Variants in SYNJ2BP observed in about 807,000 individuals in gnomAD.
The protein encoded by SYNJ2BP is synaptojanin-2-binding protein.
In SYNJ2BP, 10 loss-of-function variants were observed where a neutral mutation model predicts 16.9. The observed-to-expected ratio is 0.59, with a 90% CI of 0.36 to 1.00. The LOEUF is 1.00. SYNJ2BP is among the 50% of genes least tolerant of loss of function. The pLI, the probability that SYNJ2BP is intolerant of heterozygous loss-of-function variation, is 0.01. For missense variants in SYNJ2BP, 162 were observed against 186.7 expected (o/e 0.87, Z 0.77); for synonymous variants, 54 against 68.4 (o/e 0.79, Z 1.04).
intron 2 of SYNJ2BP, among the ~76,000 whole-genome samples, chr14:70,383,296 G>T (rs1026544649): frequency 2.0e-5 from 3 of 152,172 alleles, no homozygotes; most frequent in African/African-American, 7.2e-5. Flanking sequence ...GATTGGATGA[G>T]GGTTTCTGCT....
At chr14:70,411,568 G>A (rs1888473374) in intron 1 of SYNJ2BP, among the ~76,000 whole-genome samples, 1 of 152,162 alleles carries the variant, frequency 6.6e-6, no homozygotes, top group Admixed American at 6.5e-5. Flanking sequence ...CTTTCCTTCT[G>A]TCCAGGCTGG....
chr14:70,395,223 T>C (rs988637867), intron 1 of SYNJ2BP, among the ~76,000 whole-genome samples: 1 of 152,230 alleles, frequency 6.6e-6, no homozygotes, highest in African/African-American at 2.4e-5. Context: ...GGAAAAGCCC[T>C]TCATTTCATT....
At position 70,369,589 on chromosome 14, in the gene SYNJ2BP, GACAAT is replaced by G. The variant is rs1887473961; in HGVS notation, c.*3397_*3401del. On this transcript the variant is annotated 3_prime_UTR_variant, in exon 4 of 4. Coordinates refer to ENST00000256366, the MANE Select transcript of SYNJ2BP (RefSeq NM_018373.3). ...TTTCTCTCATTTTTAGTCTCTTTGT[GACAAT>G]ACTTAGATCCCAGAGTTATGAGACA... 6.6e-6 allele frequency: 1 copy of G among 152,058 alleles called. No individual in the cohort carries two copies. Among genetic ancestry groups the G allele is most frequent in the South Asian group, 2.1e-4 (1 of 4,812 alleles). The allele number at this position is 152,058 out of a possible 1,614,324, so 9.4% of individuals were successfully genotyped here.
chr14:70,384,510 G>A (rs1887818347), intron 2 of SYNJ2BP, among the ~76,000 whole-genome samples: 1 of 152,128 alleles, frequency 6.6e-6, no homozygotes, highest in South Asian at 2.1e-4. Flanking sequence ...GATGGAACAG[G>A]CTGTTTCATA....
intron 1 of SYNJ2BP, among the ~76,000 whole-genome samples, chr14:70,392,865 G>A (rs995619424): frequency 6.6e-6 from 1 of 152,194 alleles, no homozygotes; most frequent in African/African-American, 2.4e-5. Flanking sequence ...TATTCAATAC[G>A]TATCTTGCTA....
chr14:70,383,685 C>T (rs753228158), intron 2 of SYNJ2BP, among the ~76,000 whole-genome samples: 39 of 152,130 alleles, frequency 2.6e-4, no homozygotes, highest in Non-Finnish European at 4.6e-4. Flanking sequence ...AAACTTAGTT[C>T]ACTTTTCTAA....
chr14:70,388,265 A>C (rs942936589), intron 2 of SYNJ2BP, among the ~76,000 whole-genome samples: 1 of 152,204 alleles, frequency 6.6e-6, no homozygotes, highest in Non-Finnish European at 1.5e-5. Context: ...TGGGCTTCAC[A>C]TTCTCATCTA....
At chr14:70,373,194 G>C in intron 3 of SYNJ2BP, 63 bp from the exon 4 acceptor site, 1 of 1,592,870 alleles carries the variant, frequency 6.3e-7, no homozygotes, top group South Asian at 1.1e-5. Flanking sequence ...GAAACGCCCA[G>C]GTTGATACAT....
intron 2 of SYNJ2BP, among the ~76,000 whole-genome samples, chr14:70,387,746 G>A (rs1397583018): frequency 2.6e-5 from 4 of 151,244 alleles, no homozygotes; most frequent in African/African-American, 7.3e-5. Flanking sequence ...CAGGAGAATC[G>A]CTTGAACCCG....
At chr14:70,401,753 C>T (rs1888242701) in intron 1 of SYNJ2BP, among the ~76,000 whole-genome samples, 1 of 152,062 alleles carries the variant, frequency 6.6e-6, no homozygotes, top group Admixed American at 6.5e-5. Context: ...AGTGATTCTC[C>T]CACCTCAGCC....
intron 3 of SYNJ2BP, 36 bp downstream of exon 3, chr14:70,375,640 C>A (rs1475752490): frequency 3.8e-6 from 6 of 1,599,626 alleles, no homozygotes; most frequent in Non-Finnish European, 5.1e-6. Context: ...AGTGCAAAAG[C>A]CTGGTGCCAG....
rs1363566803 is a variant in SYNJ2BP at position 70,370,161 on chromosome 14, T to C, written c.*2830A>G. The C allele has an allele frequency of 6.6e-6, 1 of 152,238 alleles. No homozygotes were observed. The highest frequency in any genetic ancestry group is 1.5e-5 in the Non-Finnish European group (1 of 68,040). 9.4% of individuals were successfully genotyped at this position (152,238 alleles called of 1,614,324 possible). On this transcript the variant is annotated 3_prime_UTR_variant, in exon 4 of 4. Transcript: ENST00000256366. ...AAACTTCTACCAACGACAGAATGGA[T>C]ACTTTTTAAACAAATTTACATATAC...
chr14:70,387,830 CAA>C (rs1224467128), intron 2 of SYNJ2BP, among the ~76,000 whole-genome samples: 26 of 98,206 alleles, frequency 2.6e-4, no homozygotes, highest in South Asian at 3.4e-4. Context: ...GAATCTATCT[CAA>C]AAAAAAAAAA....
chr14:70,376,898 T>C (rs1173771138), intron 2 of SYNJ2BP, among the ~76,000 whole-genome samples: 2 of 152,200 alleles, frequency 1.3e-5, no homozygotes, highest in Non-Finnish European at 2.9e-5. Context: ...ACTCTCTCAT[T>C]TTCCTTGTCG....
At chr14:70,377,908 G>T (rs990244842) in intron 2 of SYNJ2BP, among the ~76,000 whole-genome samples, 1 of 152,132 alleles carries the variant, frequency 6.6e-6, no homozygotes, top group African/African-American at 2.4e-5. Context: ...CTGTTTGCAT[G>T]CACTACCTCT....
chr14:70,408,121 GA>G (rs1888388301), intron 1 of SYNJ2BP, among the ~76,000 whole-genome samples: 1 of 150,904 alleles, frequency 6.6e-6, no homozygotes, highest in Non-Finnish European at 1.5e-5. Context: ...TTTTTTGGAG[GA>G]GGGGGAAGGA....
At chr14:70,375,339 C>T (rs1049751551) in intron 3 of SYNJ2BP, among the ~76,000 whole-genome samples, 1 of 151,644 alleles carries the variant, frequency 6.6e-6, no homozygotes, top group Middle Eastern at 3.2e-3. Context: ...GTAGCTGAGA[C>T]TACAGGTGTG....
chr14:70,391,944 G>T (rs1333366154), intron 1 of SYNJ2BP, among the ~76,000 whole-genome samples: 1 of 152,202 alleles, frequency 6.6e-6, no homozygotes. Context: ...GTATCTATAA[G>T]CCAAAGCATT....
intron 1 of SYNJ2BP, among the ~76,000 whole-genome samples, chr14:70,415,173 T>TAAA (rs35018690): frequency 7.7e-4 from 105 of 137,020 alleles, no homozygotes; most frequent in East Asian, 2.0e-3. Flanking sequence ...ACCTCGTCTC[T>TAAA]AAAAAAAAAA....
Sources: allele counts gnomAD v4.1 joint callset (sites outside exome capture counted in the v4.1 genomes callset), GRCh38; gene constraint gnomAD v4.1.1; transcripts MANE v1.5; gene names NCBI Gene and HGNC (gene_info 2026-07-23, HGNC 2026-07-21).